RBM23: variants seen among roughly 807,000 people sequenced by gnomAD.
The protein encoded by RBM23 is RNA binding motif protein 23.
Under a neutral mutation model 56.2 loss-of-function variants are expected in RBM23, and 53 were observed. The observed-to-expected ratio is 0.94, with a 90% CI of 0.76 to 1.19. The LOEUF is 1.19. Among genes scored for constraint, RBM23 ranks in the 50% most tolerant of loss-of-function variants. The pLI, the probability that RBM23 is intolerant of heterozygous loss-of-function variation, is 0.00. For synonymous variants in RBM23, 197 were observed against 198.5 expected, an observed-to-expected ratio of 0.99 and a Z score of 0.06; for missense variants, 642 against 590.3, an observed-to-expected ratio of 1.09 and a Z score of -0.91.
chr14:22,904,073 A>G, intron 10 of RBM23, 188 bp downstream of exon 10: 7 of 1,522,758 alleles, frequency 4.6e-6, no homozygotes, highest in Non-Finnish European at 6.2e-6. Flanking sequence ...GACAGAGTGT[A>G]GGAGCAAAGC....
At chr14:22,910,930 G>A (rs1162071913) in intron 2 of RBM23, among the ~76,000 whole-genome samples, 2 of 152,068 alleles carry the variant, frequency 1.3e-5, no homozygotes, top group Middle Eastern at 3.2e-3. Flanking sequence ...AGAATGGCTT[G>A]AACCCAGGAG....
rs1317893986 is a variant in RBM23 at position 22,902,774 on chromosome 14, T to C, written c.931-392A>G. ...TTTTAGTCTTTTTTTTTTTTTTTTT[T>C]TTTTTTTTTTGAGACGGAGTCCCAC... On this transcript the variant is annotated intron_variant, in intron 10 of 13. Coordinates refer to ENST00000359890, the MANE Select transcript of RBM23 (RefSeq NM_001077351.2). The C allele has an allele frequency of 1.3e-5, 13 of 968,746 alleles. No individual in the cohort carries two copies. In the East Asian group the frequency reaches 8.2e-4, roughly 61 times the overall value. 60.0% of individuals were successfully genotyped at this position (968,746 alleles called of 1,614,324 possible).
chr14:22,902,430 C>A (rs752265300), intron 10 of RBM23, 48 bp from the exon 11 acceptor site: 1 of 1,585,770 alleles, frequency 6.3e-7, no homozygotes, highest in Admixed American at 1.7e-5. Flanking sequence ...CAAAGACATG[C>A]TCTCAAAGAC....
At chr14:22,902,682 T>C (rs2040773116) in intron 10 of RBM23, 1 of 1,076,564 alleles carries the variant, frequency 9.3e-7, no homozygotes, top group Non-Finnish European at 1.1e-6. Context: ...CAAATGGGTA[T>C]ATCAAATGGA....
chr14:22,911,237 A>G (rs192098580), intron 2 of RBM23, 91 bp downstream of exon 2: 2 of 993,698 alleles, frequency 2.0e-6, no homozygotes, highest in Admixed American at 1.8e-5. Flanking sequence ...GCAGGGAAAG[A>G]GGATTCATAA....
chr14:22,909,729 A>C (rs2042144375), intron 2 of RBM23, 134 bp from the exon 3 acceptor site: 2 of 672,474 alleles, frequency 3.0e-6, no homozygotes, highest in Non-Finnish European at 5.3e-6. Context: ...CAGCACCCTT[A>C]TTTCCTAACA....
intron 1 of RBM23, chr14:22,917,206 A>G (rs926408063): frequency 3.9e-5 from 6 of 151,900 alleles, no homozygotes; most frequent in African/African-American, 1.5e-4. Flanking sequence ...TGTTTCAGTC[A>G]TTTTTGCTGC....
intron 10 of RBM23, chr14:22,903,732 C>A: frequency 9.9e-7 from 1 of 1,010,098 alleles, no homozygotes; most frequent in Non-Finnish European, 1.2e-6. Flanking sequence ...TAGGAATTGG[C>A]AACCATTTTG....
At chr14:22,904,001 AG>A in intron 10 of RBM23, 1 of 1,411,158 alleles carries the variant, frequency 7.1e-7, no homozygotes, top group Middle Eastern at 2.5e-4. Flanking sequence ...TTACCCAAAG[AG>A]CCAAGTTGCA....
rs1159828927 is a variant in RBM23, at chr14:22,898,108, C to G, written c.*3622G>C. ...GGGACTGTGATATAATTCCATCCTT[C>G]AGGTTTTTACTCAATTCCCTTCATG... is the stretch of plus-strand genomic sequence containing the variant. On this transcript the variant is annotated 3_prime_UTR_variant, in exon 14 of 14. Transcript: ENST00000359890. 3 of 152,188 alleles carry G rather than the reference C, an allele frequency of 2.0e-5. No individual in the cohort carries two copies. Among genetic ancestry groups the G allele is most frequent in the African/African-American group, 7.2e-5 (3 of 41,450 alleles). 9.4% of individuals were successfully genotyped at this position (152,188 alleles called of 1,614,324 possible).
In RBM23 at chr14:22,905,873, T is replaced by C. The variant is rs970245503; in HGVS notation, c.402-214A>G. ...AAGCAATCCTCCCACCTCAGCCTCC[T>C]TGTGTGGCTAGGATTACAGACACAC... On this transcript the variant is annotated intron_variant, in intron 5 of 13. Coordinates refer to ENST00000359890, the MANE Select transcript of RBM23 (RefSeq NM_001077351.2). 6.7e-6 allele frequency: 4 copies of C among 601,222 alleles called. No homozygotes were observed. The African/African-American group carries it at 7.4e-5, about 11-fold the overall frequency. 37.2% of individuals were successfully genotyped at this position (601,222 alleles called of 1,614,324 possible). A position where few individuals can be genotyped will look rare whatever the true frequency, so the allele number is the denominator to read the frequency against.
intron 1 of RBM23, among the ~76,000 whole-genome samples, chr14:22,914,552 A>G (rs1449516070): frequency 6.6e-6 from 1 of 152,086 alleles, no homozygotes; most frequent in Non-Finnish European, 1.5e-5. Context: ...ACATATCAAA[A>G]CGCATGAAAG....
chr14:22,918,350 G>A (rs1012227785), intron 1 of RBM23, among the ~76,000 whole-genome samples: 3 of 151,862 alleles, frequency 2.0e-5, no homozygotes, highest in Non-Finnish European at 2.9e-5. Context: ...CCGAGATCGC[G>A]CCACTCCACT....
chr14:22,910,469 A>G (rs1037189244), intron 2 of RBM23, among the ~76,000 whole-genome samples: 3 of 149,036 alleles, frequency 2.0e-5, no homozygotes, highest in African/African-American at 7.4e-5. Context: ...AAAAAAAAAA[A>G]AAAAAAGAAA....
At position 22,899,158 on chromosome 14, in the gene RBM23, T is replaced by C. The variant is rs2040298699; in HGVS notation, c.*2572A>G. ...CAACAGTGTTGAAGATGGGGCTTAA[T>C]ACGAGGTGACTGAGTCACAAGGACA... On this transcript the variant is annotated 3_prime_UTR_variant, in exon 14 of 14. Transcript: ENST00000359890. 1 of 152,204 alleles carries C rather than the reference T, an allele frequency of 6.6e-6. No individual in the cohort carries two copies. Among genetic ancestry groups the C allele is most frequent in the Admixed American group, 6.5e-5 (1 of 15,282 alleles). The allele number at this position is 152,204 out of a possible 1,614,324, so 9.4% of individuals were successfully genotyped here.
intron 4 of RBM23, 29 bp from the exon 5 acceptor site, chr14:22,906,397 C>T (rs776182119): frequency 1.2e-6 from 2 of 1,609,756 alleles, no homozygotes; most frequent in South Asian, 2.2e-5. Flanking sequence ...ACAGTCATGC[C>T]CACATCATGT....
chr14:22,901,923 GCA>G (rs770073792), intron 12 of RBM23, 40 bp from the exon 13 acceptor site: 2 of 1,613,548 alleles, frequency 1.2e-6, no homozygotes, highest in Non-Finnish European at 1.7e-6. Context: ...CAAGCACCGC[GCA>G]CTCCTTCTTT....
At position 22,906,375 on chromosome 14, in the gene RBM23, A is replaced by T. The variant is rs1234166146; in HGVS notation, c.228-7T>A. On this transcript the variant is annotated splice_region_variant and splice_polypyrimidine_tract_variant and intron_variant, in intron 4 of 13. Transcript: ENST00000359890. The stretch of plus-strand genomic sequence containing the variant: ...ATCCCGATCTCGACTACGACTACAG[A>T]GGGAAACAACTACAGTCATGCCCAC... 6.2e-7 allele frequency: 1 copy of T among 1,613,912 alleles called. No homozygotes were observed. Among genetic ancestry groups the T allele is most frequent in the Non-Finnish European group, 8.5e-7 (1 of 1,179,850 alleles).
Position 22,900,940 on chromosome 14 carries a change from C to T in RBM23, c.*790G>A, listed in dbSNP as rs1320586081. 6.6e-6 allele frequency: 1 copy of T among 152,146 alleles called. No homozygotes were observed. Among genetic ancestry groups the T allele is most frequent in the Admixed American group, 6.6e-5 (1 of 15,262 alleles). 9.4% of individuals were successfully genotyped at this position (152,146 alleles called of 1,614,324 possible). A position where few individuals can be genotyped will look rare whatever the true frequency, so the allele number is the denominator to read the frequency against. On this transcript the variant is annotated 3_prime_UTR_variant, in exon 14 of 14. Coordinates refer to ENST00000359890, the MANE Select transcript of RBM23 (RefSeq NM_001077351.2). ...ACACAGGAAGTGGTAGAGTAGCAGC[C>T]TCCCTCCATCCTCCTACCTCGGGCC...
Sources: allele counts gnomAD v4.1 joint callset (sites outside exome capture counted in the v4.1 genomes callset), GRCh38; gene constraint gnomAD v4.1.1; transcripts MANE v1.5; gene names NCBI Gene and HGNC (gene_info 2026-07-23, HGNC 2026-07-21).